CEP250: variants seen among roughly 807,000 people sequenced by gnomAD.
The protein encoded by CEP250 is centrosome-associated protein CEP250.
In CEP250, 242 loss-of-function variants were observed where a neutral mutation model predicts 315.7. That is an observed-to-expected ratio of 0.77 (90% CI 0.69 to 0.85). The LOEUF (loss-of-function observed/expected upper bound fraction) is 0.85. Ranked by LOEUF, CEP250 falls within the 40% of genes least tolerant of loss-of-function variation. The pLI, the probability that CEP250 is intolerant of heterozygous loss-of-function variation, is 0.00. For missense variants in CEP250, 2,515 were observed against 2,886.4 expected (o/e 0.87, Z 2.95); for synonymous variants, 1,088 against 1,175.0 (o/e 0.93, Z 1.51).
chr20:35,501,849 A>T lies in CEP250; in HGVS notation c.3903A>T (p.Lys1301Asn), dbSNP rs1482177511. 6.2e-7 allele frequency: 1 copy of T among 1,604,940 alleles called. No individual in the cohort carries two copies. The highest frequency in any genetic ancestry group is 8.5e-7 in the Non-Finnish European group (1 of 1,176,358). Residue 1301 changes from lysine (K) to asparagine (N), a missense_variant, in exon 29 of 35, where the codon AAA becomes AAT. Physicochemically the swap from Lys to Asn is moderately conservative, Grantham distance 94 (BLOSUM62 0). Coordinates refer to ENST00000397527, the MANE Select transcript of CEP250 (RefSeq NM_007186.6). ...TCCTCTCCTCTCTTCTCAAAGAGAA[A>T]TCTAAGTGGGAAGGAAAGCAGAACT... ...QRQLSQNQEE[K>N]SKWEGKQNSL...
rs1378395693 is a variant in CEP250 at position 35,480,139 on chromosome 20, G to A, written c.2580G>A (p.Glu860=). The A allele has an allele frequency of 6.2e-7, 1 of 1,611,352 alleles. No homozygotes were observed. Among genetic ancestry groups the A allele is most frequent in the Admixed American group, 1.7e-5 (1 of 59,906 alleles). The change falls in exon 20 of 35, where the codon GAG becomes GAA. Residue 860 remains glutamate, a synonymous_variant. Coordinates refer to ENST00000397527, the MANE Select transcript of CEP250 (RefSeq NM_007186.6). ...AHEKEVNQLR[E]KWEKERSWHQ... Reference sequence around the variant, plus strand: ...AGAAAGAGGTGAACCAGCTCCGGGAGAAATGGGTAAGTGGTCAATGTGGCC... The same window carrying A: ...AGAAAGAGGTGAACCAGCTCCGGGAAAAATGGGTAAGTGGTCAATGTGGCC...
chr20:35,465,992 G>T (rs955984907), intron 6 of CEP250, 47 bp from the exon 7 acceptor site: 14 of 1,606,984 alleles, frequency 8.7e-6, no homozygotes, highest in Admixed American at 1.7e-5. Context: ...TCCAAGGGTT[G>T]GACTAGACCT....
chr20:35,476,541 C>T lies in CEP250; in HGVS notation c.1809C>T (p.Ala603=). The T allele has an allele frequency of 6.2e-7, 1 of 1,614,082 alleles. No homozygotes were observed. The highest frequency in any genetic ancestry group is 8.5e-7 in the Non-Finnish European group (1 of 1,179,930). ...DLRAAAVKLS[A]LNEALALDKV... Reference sequence around the variant, plus strand: ...GGGCTGCAGCTGTCAAGCTCAGTGCCTTAAATGAGGCTTTGGCGTTAGATA... The same window carrying T: ...GGGCTGCAGCTGTCAAGCTCAGTGCTTTAAATGAGGCTTTGGCGTTAGATA... Residue 603 remains alanine, a synonymous_variant, in exon 16 of 35, where the codon GCC becomes GCT. Transcript: ENST00000397527.
chr20:35,510,544 C>A (rs2064326614), intron 34 of CEP250, among the ~76,000 whole-genome samples: 1 of 152,198 alleles, frequency 6.6e-6, no homozygotes, highest in South Asian at 2.1e-4. Flanking sequence ...AACTAAAAGT[C>A]CACTCTCCCT....
At chr20:35,457,425 G>T (rs1230923111) in intron 1 of CEP250, among the ~76,000 whole-genome samples, 1 of 151,932 alleles carries the variant, frequency 6.6e-6, no homozygotes, top group African/African-American at 2.4e-5. Context: ...GTGCAGTGGC[G>T]TGATCACAGC....
At position 35,488,841 on chromosome 20, in the gene CEP250, G is replaced by T. The variant is rs140634800; in HGVS notation, c.2587-1796G>T. On this transcript the variant is annotated intron_variant, in intron 20 of 34. Coordinates refer to ENST00000397527, the MANE Select transcript of CEP250 (RefSeq NM_007186.6). The stretch of plus-strand genomic sequence containing the variant: ...TTAGGCGTGAGGAATGATGGAGTAG[G>T]GGGGAGAAGGGCTTTCCAGGTAGAA... Among the ~76,000 whole-genome samples, 21 of 152,178 alleles carry T rather than the reference G, an allele frequency of 1.4e-4. No homozygotes were observed. The East Asian group carries it at 2.3e-3, about 17-fold the overall frequency.
intron 22 of CEP250, 95 bp downstream of exon 22, chr20:35,491,441 C>G: frequency 2.2e-6 from 3 of 1,339,458 alleles, no homozygotes; most frequent in Non-Finnish European, 3.1e-6. Context: ...GTGCCAGGCC[C>G]TGTGCTAGGT....
intron 1 of CEP250, among the ~76,000 whole-genome samples, chr20:35,456,638 G>A (rs924523113): frequency 3.9e-5 from 6 of 152,192 alleles, no homozygotes; most frequent in African/African-American, 1.4e-4. Context: ...CCCTCACAGA[G>A]CTGTGAGTTC....
At position 35,517,835 on chromosome 20, in the gene CEP250, AG is replaced by A. The variant is rs2064449160; in HGVS notation, c.*6211del. The stretch of plus-strand genomic sequence containing the variant: ...GTAATCCCAGCACTTTGGGAGGCCC[AG>A]GCAGGCAGATTGCTTGGGCTCAGGA... On this transcript the variant is annotated 3_prime_UTR_variant, in exon 35 of 35. Coordinates refer to ENST00000397527, the MANE Select transcript of CEP250 (RefSeq NM_007186.6). 1 of 151,922 alleles carries A rather than the reference AG, an allele frequency of 6.6e-6. No homozygotes were observed. The highest frequency in any genetic ancestry group is 2.4e-5 in the African/African-American group (1 of 41,336). The allele number at this position is 151,922 out of a possible 1,614,324, so 9.4% of individuals were successfully genotyped here.
rs2064432246 is a variant in CEP250, at chr20:35,515,992, C to G, written c.*4366C>G. Reference sequence around the variant, plus strand: ...TCACCCAACTCATTACATCAGTAGCCTGGTCACAGGGTGGACACTCTGACC... The same window carrying G: ...TCACCCAACTCATTACATCAGTAGCGTGGTCACAGGGTGGACACTCTGACC... On this transcript the variant is annotated 3_prime_UTR_variant, in exon 35 of 35. Coordinates refer to ENST00000397527, the MANE Select transcript of CEP250 (RefSeq NM_007186.6). 1 of 152,276 alleles carries G rather than the reference C, an allele frequency of 6.6e-6. No homozygotes were observed. Among genetic ancestry groups the G allele is most frequent in the Non-Finnish European group, 1.5e-5 (1 of 68,088 alleles). 9.4% of individuals were successfully genotyped at this position (152,276 alleles called of 1,614,324 possible).
chr20:35,500,954 A>G (rs1446171058), intron 28 of CEP250, among the ~76,000 whole-genome samples: 1 of 152,208 alleles, frequency 6.6e-6, no homozygotes, highest in Non-Finnish European at 1.5e-5. Flanking sequence ...AGAACATTAT[A>G]AAACTGCATC....
In CEP250 at chr20:35,502,871, A is replaced by G. The variant is rs1217868035; in HGVS notation, c.4502A>G (p.Gln1501Arg). The G allele has an allele frequency of 2.5e-6, 4 of 1,614,132 alleles. No homozygotes were observed. Among genetic ancestry groups the G allele is most frequent in the Non-Finnish European group, 3.4e-6 (4 of 1,180,044 alleles). ...CCCATGGCCGTCCAGGAGCGAGAGC[A>G]GAAGCTGACTGTGCAGAGGGAGCAG... ...HLPMAVQERE[Q>R]KLTVQREQIR... is the part of the protein sequence containing the mutation. Residue 1501 changes from glutamine to arginine, a missense_variant, in exon 30 of 35, where the codon CAG becomes CGG. By Grantham distance (43) the Gln-to-Arg change is conservative (BLOSUM62 1). Coordinates refer to ENST00000397527, the MANE Select transcript of CEP250 (RefSeq NM_007186.6).
intron 10 of CEP250, among the ~76,000 whole-genome samples, chr20:35,470,594 A>G (rs993087201): frequency 1.3e-5 from 2 of 152,178 alleles, no homozygotes; most frequent in African/African-American, 4.8e-5. Flanking sequence ...TACTAAAAAA[A>G]TAAAAAAAAT....
chr20:35,462,279 G>A lies in CEP250; in HGVS notation c.-89G>A. On this transcript the variant is annotated 5_prime_UTR_variant, in exon 4 of 35. Transcript: ENST00000397527. Reference sequence around the variant, plus strand: ...TTGGTCCCCAGTTCAAGAGGAGGTTGAAGTGGCATGGCAATGGTTAGAGAC... The same window carrying A: ...TTGGTCCCCAGTTCAAGAGGAGGTTAAAGTGGCATGGCAATGGTTAGAGAC... 1 of 1,020,774 alleles carries A rather than the reference G, an allele frequency of 9.8e-7. No homozygotes were observed. The highest frequency in any genetic ancestry group is 1.4e-6 in the Non-Finnish European group (1 of 699,354). 63.2% of individuals were successfully genotyped at this position (1,020,774 alleles called of 1,614,324 possible).
At chr20:35,459,476 T>C (rs2062706595) in intron 2 of CEP250, among the ~76,000 whole-genome samples, 1 of 152,070 alleles carries the variant, frequency 6.6e-6, no homozygotes, top group Non-Finnish European at 1.5e-5. Context: ...ATTGCCATTT[T>C]TGTAGATAAA....
rs756392151 is a variant in CEP250, at chr20:35,504,205, C to T, written c.5836C>T (p.Arg1946Trp). ...KERDQELEALRAESQSSRHQE... is the reference protein window; with the variant it reads ...KERDQELEALWAESQSSRHQE... ...ACGGGACCAGGAGCTGGAAGCTCTG[C>T]GGGCAGAAAGTCAGTCCTCCCGGCA... is the stretch of plus-strand genomic sequence containing the variant. The change falls in exon 30 of 35, where the codon CGG (arginine) becomes TGG (tryptophan). Residue 1946 changes from arginine to tryptophan, a missense_variant. Physicochemically the swap from Arg to Trp is moderately radical, Grantham distance 101. Transcript: ENST00000397527. 8 of 1,611,924 alleles carry T rather than the reference C, an allele frequency of 5.0e-6. No homozygotes were observed. Among genetic ancestry groups the T allele is most frequent in the East Asian group, 4.5e-5 (2 of 44,830 alleles).
At chr20:35,494,719 T>C in intron 24 of CEP250, 62 bp downstream of exon 24, 1 of 1,588,612 alleles carries the variant, frequency 6.3e-7, no homozygotes, top group Non-Finnish European at 8.6e-7. Context: ...CACTGTGATA[T>C]TGACAGTTGT....
rs370090387 is a variant in CEP250, at chr20:35,508,317, GT to G, written c.6906+138del. ...CTGCCTGTTTCTGAAAATTAAGTTTGTTTTTTTTTTTCCCGAGACAGAGTCT... is the reference window on the plus strand; with the variant it reads ...CTGCCTGTTTCTGAAAATTAAGTTTGTTTTTTTTTTCCCGAGACAGAGTCT... On this transcript the variant is annotated intron_variant, in intron 32 of 34. Coordinates refer to ENST00000397527, the MANE Select transcript of CEP250 (RefSeq NM_007186.6). The G allele has an allele frequency of 8.0e-3, 6,592 of 819,572 alleles. 2 individuals carry two copies. Among genetic ancestry groups the G allele is most frequent in the East Asian group, 9.4e-3 (293 of 31,156 alleles). The allele number at this position is 819,572 out of a possible 1,614,324, so 50.8% of individuals were successfully genotyped here.
Position 35,467,091 on chromosome 20 carries a change from A to G in CEP250, c.599+19A>G, listed in dbSNP as rs761414182. On this transcript the variant is annotated intron_variant, in intron 8 of 34. Transcript: ENST00000397527. ...CTGACAGGTCAGTGTGGGGAGAAGA[A>G]GGGAGGAGGTTTGCCCCTACCAATT... is the stretch of plus-strand genomic sequence containing the variant. 2.7e-6 allele frequency: 4 copies of G among 1,472,594 alleles called. No individual in the cohort carries two copies. The highest frequency in any genetic ancestry group is 2.7e-6 in the Non-Finnish European group (3 of 1,095,170). The allele number at this position is 1,472,594 out of a possible 1,614,324, so 91.2% of individuals were successfully genotyped here.
Sources: allele counts gnomAD v4.1 joint callset (sites outside exome capture counted in the v4.1 genomes callset), GRCh38; gene constraint gnomAD v4.1.1; transcripts MANE v1.5; gene names NCBI Gene and HGNC (gene_info 2026-07-23, HGNC 2026-07-21).